The following ACADM variants were observed in gnomAD, a reference collection of about 807,000 sequenced individuals.
ACADM encodes acyl-CoA dehydrogenase medium chain.
In ACADM, 49 loss-of-function variants were observed where a neutral mutation model predicts 58.9. That is an observed-to-expected ratio of 0.83 (90% CI 0.66 to 1.06). The LOEUF (loss-of-function observed/expected upper bound fraction) is 1.06, where lower values mean the gene tolerates loss of function less well. Ranked by LOEUF, ACADM falls within the 50% of genes least tolerant of loss-of-function variation. The pLI, the probability that ACADM is intolerant of heterozygous loss-of-function variation, is 0.00. For missense variants in ACADM, 496 were observed against 507.0 expected, an observed-to-expected ratio of 0.98 and a Z score of 0.21; for synonymous variants, 160 against 157.7, an observed-to-expected ratio of 1.01 and a Z score of -0.11.
intron 7 of ACADM, among the ~76,000 whole-genome samples, chr1:75,742,736 G>A (rs1232333858): frequency 6.6e-6 from 1 of 152,158 alleles, no homozygotes; most frequent in Admixed American, 6.5e-5. Context: ...GATGGAGAGC[G>A]TGAGGGCAGA....
At chr1:75,760,550 A>AC (rs2100450726) in intron 10 of ACADM, among the ~76,000 whole-genome samples, 1 of 59,052 alleles carries the variant, frequency 1.7e-5, no homozygotes, top group Admixed American at 1.7e-4. Flanking sequence ...GTCTCAAAAA[A>AC]AAAAAAAAAA....
chr1:75,763,102 A>G lies in ACADM; in HGVS notation c.*339A>G. On this transcript the variant is annotated 3_prime_UTR_variant, in exon 12 of 12. Transcript: ENST00000370841. ...TGACAGAAAAGTGGGCTTAGAAAGT[A>G]TTCAAGATGTTACAAAATTTACATT... 5.8e-6 allele frequency: 1 copy of G among 171,510 alleles called. No individual in the cohort carries two copies. The allele number at this position is 171,510 out of a possible 1,614,324, so 10.6% of individuals were successfully genotyped here. A position where few individuals can be genotyped will look rare whatever the true frequency, so the allele number is the denominator to read the frequency against.
At chr1:75,733,759 AC>A in intron 5 of ACADM, 131 bp downstream of exon 5, 2 of 734,664 alleles carry the variant, frequency 2.7e-6, no homozygotes, top group South Asian at 3.2e-5. Flanking sequence ...GTGGGTACAC[AC>A]AGTTTTCTTT....
At position 75,761,294 on chromosome 1, in the gene ACADM, T is replaced by C. The variant is rs373057729; in HGVS notation, c.1118T>C (p.Val373Ala). Residue 373 changes from valine (V) to alanine (A), a missense_variant, in exon 11 of 12, where the codon GTG becomes GCG. Physicochemically the swap from Val to Ala is moderately conservative, Grantham distance 64 (BLOSUM62 0). Coordinates refer to ENST00000370841, the MANE Select transcript of ACADM (RefSeq NM_000016.6). The part of the protein sequence containing the change: ...DIANQLATDA[V>A]QILGGNGFNT... ...GCAAATCAGTTAGCTACTGATGCTG[T>C]GCAGATACTTGGAGGCAATGGATTT... The C allele has an allele frequency of 6.2e-6, 10 of 1,613,932 alleles. No individual in the cohort carries two copies. The African/African-American group carries it at 1.3e-4, about 22-fold the overall frequency.
rs144707412 is a variant in ACADM, at chr1:75,761,292, T to C, written c.1116T>C (p.Ala372=). The C allele has an allele frequency of 6.2e-7, 1 of 1,613,760 alleles. No individual in the cohort carries two copies. The highest frequency in any genetic ancestry group is 8.5e-7 in the Non-Finnish European group (1 of 1,179,598). ...TTGCAAATCAGTTAGCTACTGATGCTGTGCAGATACTTGGAGGCAATGGAT... is the reference window on the plus strand; with the variant it reads ...TTGCAAATCAGTTAGCTACTGATGCCGTGCAGATACTTGGAGGCAATGGAT... ...GDIANQLATD[A]VQILGGNGFN... Residue 372 remains alanine, a synonymous_variant, in exon 11 of 12, where the codon GCT becomes GCC. Transcript: ENST00000370841.
chr1:75,744,116 G>C (rs1256528693), intron 7 of ACADM: 112 of 1,585,040 alleles, frequency 7.1e-5, no homozygotes, highest in Non-Finnish European at 9.5e-5. Flanking sequence ...CTGATGTTCT[G>C]AATGCAGACC....
chr1:75,743,568 C>T, intron 7 of ACADM: 3 of 1,591,128 alleles, frequency 1.9e-6, no homozygotes, highest in Non-Finnish European at 2.6e-6. Flanking sequence ...CTCCTATAGC[C>T]ACTGGCTTGT....
At chr1:75,753,930 G>A (rs554572355) in intron 10 of ACADM, among the ~76,000 whole-genome samples, 1 of 148,692 alleles carries the variant, frequency 6.7e-6, no homozygotes, top group Non-Finnish European at 1.5e-5. Flanking sequence ...TGAGTAGCTG[G>A]AACTATAGGT....
chr1:75,751,365 C>T (rs1244114454), intron 10 of ACADM, among the ~76,000 whole-genome samples: 3 of 151,820 alleles, frequency 2.0e-5, no homozygotes, highest in African/African-American at 7.3e-5. Flanking sequence ...TATATATTTT[C>T]TGATTCTCTC....
intron 9 of ACADM, 57 bp downstream of exon 9, chr1:75,749,616 G>A: frequency 7.2e-7 from 1 of 1,390,384 alleles, no homozygotes; most frequent in East Asian, 2.7e-5. Flanking sequence ...CATTAAATAA[G>A]TATTTTTACT....
At chr1:75,748,040 G>A (rs1024959255) in intron 8 of ACADM, among the ~76,000 whole-genome samples, 5 of 152,170 alleles carry the variant, frequency 3.3e-5, no homozygotes, top group African/African-American at 1.2e-4. Flanking sequence ...CAAATTAAAG[G>A]GTTAGTTTAT....
intron 1 of ACADM, among the ~76,000 whole-genome samples, chr1:75,725,666 A>G (rs1349312392): frequency 6.6e-6 from 1 of 152,328 alleles, no homozygotes; most frequent in Non-Finnish European, 1.5e-5. Flanking sequence ...TTATATTCCC[A>G]AGAAATGCAC....
At chr1:75,729,350 C>T (rs1232931030) in intron 2 of ACADM, among the ~76,000 whole-genome samples, 4 of 141,882 alleles carry the variant, frequency 2.8e-5, no homozygotes, top group African/African-American at 5.3e-5. Context: ...TTGCCCAGGC[C>T]GATCTTGAAC....
chr1:75,752,999 A>G (rs1648288370), intron 10 of ACADM, among the ~76,000 whole-genome samples: 1 of 152,194 alleles, frequency 6.6e-6, no homozygotes, highest in Middle Eastern at 3.2e-3. Flanking sequence ...TGTATCACAG[A>G]GCTCGTACAT....
chr1:75,733,486 G>C, intron 4 of ACADM, 42 bp from the exon 5 acceptor site: 2 of 1,497,094 alleles, frequency 1.3e-6, no homozygotes, highest in Non-Finnish European at 1.9e-6. Context: ...CTATTGTGAT[G>C]TACTACATAT....
At position 75,759,057 on chromosome 1, in the gene ACADM, C is replaced by T. The variant is rs540705394; in HGVS notation, c.946-2065C>T. Among the ~76,000 whole-genome samples, 291 of 152,230 alleles carry T rather than the reference C, an allele frequency of 1.9e-3. 1 individual carries two copies. Among genetic ancestry groups the T allele is most frequent in the African/African-American group, 6.5e-3 (271 of 41,532 alleles). On this transcript the variant is annotated intron_variant, in intron 10 of 11. Coordinates refer to ENST00000370841, the MANE Select transcript of ACADM (RefSeq NM_000016.6). The stretch of plus-strand genomic sequence containing the variant: ...TTCATTCCTGAAGTCAGCAAGACCA[C>T]GAACCCACTGGAAGGAAGAAACTCT...
intron 10 of ACADM, among the ~76,000 whole-genome samples, chr1:75,756,428 G>T (rs199949650): frequency 8.3e-6 from 1 of 120,680 alleles, no homozygotes; most frequent in Non-Finnish European, 1.8e-5. Context: ...ACAACACACA[G>T]AGAGCCAAAT....
intron 6 of ACADM, among the ~76,000 whole-genome samples, chr1:75,738,408 G>C (rs776163835): frequency 6.6e-6 from 1 of 151,852 alleles, no homozygotes; most frequent in Non-Finnish European, 1.5e-5. Flanking sequence ...TTTTAGTAGA[G>C]ACAGGGTTTC....
chr1:75,727,046 G>A (rs577848979), intron 1 of ACADM, among the ~76,000 whole-genome samples: 18 of 151,914 alleles, frequency 1.2e-4, no homozygotes, highest in South Asian at 1.0e-3. Context: ...CTCGTGATCC[G>A]CCCACCTCAG....
Sources: gnomAD v4.1 joint callset for allele counts (sites outside exome capture counted in the v4.1 genomes callset) on GRCh38, gnomAD v4.1.1 for gene constraint, MANE v1.5 for transcripts, NCBI Gene and HGNC (gene_info 2026-07-23, HGNC 2026-07-21) for gene names.